Variants in GALNT13 observed in about 807,000 individuals in gnomAD.
The protein encoded by GALNT13 is polypeptide N-acetylgalactosaminyltransferase 13, also known as UDP-GalNAc:polypeptide N-acetylgalactosaminyltransferase 13.
A neutral mutation model predicts 64.2 loss-of-function variants in GALNT13; 28 were observed. That is an observed-to-expected ratio of 0.44 (90% CI 0.32 to 0.60). The LOEUF (loss-of-function observed/expected upper bound fraction) is 0.60, where lower values mean the gene tolerates loss of function less well. Ranked by LOEUF, GALNT13 falls within the 20% of genes least tolerant of loss-of-function variation. The pLI is 0.05. For missense variants in GALNT13, 577 were observed against 669.8 expected (o/e 0.86, Z 1.53); for synonymous variants, 214 against 224.6 (o/e 0.95, Z 0.42).
intron 9 of GALNT13, among the ~76,000 whole-genome samples, chr2:154,363,272 T>C (rs2105290706): frequency 6.6e-6 from 1 of 152,348 alleles, no homozygotes; most frequent in Non-Finnish European, 1.5e-5. Context: ...CTTCCCAGTA[T>C]GGCTTAGATA....
At chr2:153,277,113 T>C in the GALNT13 span, among the ~76,000 whole-genome samples, 8 of 152,202 alleles carry the variant, frequency 5.3e-5, no homozygotes, top group Non-Finnish European at 1.2e-4. Context: ...ATGGGTATAT[T>C]GTGCGACGGT....
chr2:153,668,642 A>G, the GALNT13 span, among the ~76,000 whole-genome samples: 1 of 152,136 alleles, frequency 6.6e-6, no homozygotes, highest in African/African-American at 2.4e-5. Context: ...GCACAGGGCT[A>G]CTGTGCCCTA....
At chr2:153,525,345 C>A in the GALNT13 span, among the ~76,000 whole-genome samples, 2 of 152,182 alleles carry the variant, frequency 1.3e-5, no homozygotes, top group Non-Finnish European at 2.9e-5. Flanking sequence ...GGGGCAAAAC[C>A]CCTACTGCTT....
the GALNT13 span, among the ~76,000 whole-genome samples, chr2:153,721,507 C>G: frequency 6.6e-6 from 1 of 150,714 alleles, no homozygotes; most frequent in Non-Finnish European, 1.5e-5. Context: ...ATAAAAGACA[C>G]AGACTGGCAA....
At chr2:154,067,479 G>T (rs1266890096) in intron 3 of GALNT13, among the ~76,000 whole-genome samples, 1 of 151,928 alleles carries the variant, frequency 6.6e-6, no homozygotes, top group African/African-American at 2.4e-5. Flanking sequence ...AAAAGAGCAG[G>T]AGTAGCTATA....
chr2:154,093,353 T>G lies in GALNT13; in HGVS notation c.143-46984T>G, dbSNP rs146701657. ...TATGATTAATGTTTGGAGTAAAGAG[T>G]AATTAATGCCCATAAGCATTTTTTC... On this transcript the variant is annotated intron_variant, in intron 3 of 12. Transcript: ENST00000392825. Among the ~76,000 whole-genome samples the G allele has an allele frequency of 3.8e-3, 577 of 152,008 alleles. 7 individuals are homozygous for G. The highest frequency in any genetic ancestry group is 0.013 in the African/African-American group (556 of 41,500).
At chr2:153,516,925 T>C in the GALNT13 span, among the ~76,000 whole-genome samples, 2 of 152,134 alleles carry the variant, frequency 1.3e-5, no homozygotes, top group Non-Finnish European at 1.5e-5. Context: ...TACTCTCTTG[T>C]AGGGTTTAGT....
At chr2:153,568,184 T>C in the GALNT13 span, among the ~76,000 whole-genome samples, 1 of 152,204 alleles carries the variant, frequency 6.6e-6, no homozygotes, top group Non-Finnish European at 1.5e-5. Flanking sequence ...TATGAGGCCA[T>C]AGTATCATGA....
chr2:154,082,260 T>C (rs2105416888), intron 3 of GALNT13, among the ~76,000 whole-genome samples: 1 of 151,748 alleles, frequency 6.6e-6, no homozygotes, highest in South Asian at 2.1e-4. Context: ...GGAGTTGAGA[T>C]TTGGCTTGGT....
At position 154,366,817 on chromosome 2, in the gene GALNT13, G is replaced by A. The variant is rs577524414; in HGVS notation, c.1157-29174G>A. On this transcript the variant is annotated intron_variant, in intron 9 of 12. Transcript: ENST00000392825. ...GCGGAAAGTATAGTTACACAAAAAAGCAAGTCTAAGTTTCAATCAGGTGAT... is the reference window on the plus strand; with the variant it reads ...GCGGAAAGTATAGTTACACAAAAAAACAAGTCTAAGTTTCAATCAGGTGAT... 3.9e-5 allele frequency among the ~76,000 whole-genome samples: 6 copies of A among 152,228 alleles called. No individual in the cohort carries two copies. In the South Asian group the frequency reaches 1.2e-3, roughly 32 times the overall value.
chr2:154,076,083 T>C (rs2105401424), intron 3 of GALNT13, among the ~76,000 whole-genome samples: 1 of 151,806 alleles, frequency 6.6e-6, no homozygotes, highest in South Asian at 2.1e-4. Flanking sequence ...ATATTTATTG[T>C]GGGCCAACAG....
chr2:154,008,515 A>C (rs1696410942), intron 3 of GALNT13, among the ~76,000 whole-genome samples: 1 of 152,034 alleles, frequency 6.6e-6, no homozygotes, highest in African/African-American at 2.4e-5. Context: ...TTGGTAATAC[A>C]GATTATTTAA....
chr2:154,169,231 G>A (rs1359045112), intron 4 of GALNT13, among the ~76,000 whole-genome samples: 1 of 152,130 alleles, frequency 6.6e-6, no homozygotes, highest in Non-Finnish European at 1.5e-5. Flanking sequence ...TTTTGGAGGG[G>A]AGGGGTCAAA....
At chr2:153,799,952 A>T in the GALNT13 span, among the ~76,000 whole-genome samples, 75,350 of 151,812 alleles carry the variant, frequency 0.5, 19,387 homozygotes, top group Admixed American at 0.62. Context: ...CATTTGTTAC[A>T]GTAGCATTAT....
intron 1 of GALNT13, among the ~76,000 whole-genome samples, chr2:153,890,862 G>T (rs1309997292): frequency 6.6e-6 from 1 of 151,910 alleles, no homozygotes; most frequent in Non-Finnish European, 1.5e-5. Context: ...CCTTCCAGTA[G>T]GTCTCAGGAG....
chr2:153,121,063 A>G, the GALNT13 span, among the ~76,000 whole-genome samples: 2 of 152,202 alleles, frequency 1.3e-5, no homozygotes, highest in Non-Finnish European at 2.9e-5. Flanking sequence ...ACTGGGCCTC[A>G]TCAGGAGGAT....
the GALNT13 span, among the ~76,000 whole-genome samples, chr2:153,611,561 G>C: frequency 6.6e-6 from 1 of 151,498 alleles, no homozygotes; most frequent in Non-Finnish European, 1.5e-5. Flanking sequence ...GGGTTTCACC[G>C]TGTTGGCCAG....
At chr2:154,422,568 T>C (rs891934813) in intron 11 of GALNT13, among the ~76,000 whole-genome samples, 1 of 152,206 alleles carries the variant, frequency 6.6e-6, no homozygotes, top group African/African-American at 2.4e-5. Flanking sequence ...CAGATAGACA[T>C]ACTTCTACTC....
the GALNT13 span, among the ~76,000 whole-genome samples, chr2:153,720,360 A>G: frequency 6.6e-6 from 1 of 150,548 alleles, no homozygotes; most frequent in Non-Finnish European, 1.5e-5. Flanking sequence ...AAAGATGGGG[A>G]AAAAACAGAG....
Sources: gnomAD v4.1 joint callset for allele counts (sites outside exome capture counted in the v4.1 genomes callset) on GRCh38, gnomAD v4.1.1 for gene constraint, MANE v1.5 for transcripts, NCBI Gene and HGNC (gene_info 2026-07-23, HGNC 2026-07-21) for gene names.